Variants in CD33 observed in about 807,000 individuals in gnomAD.
CD33 encodes the protein CD33 molecule.
CD33 carries 25 observed loss-of-function variants against 31.4 expected under a neutral mutation model. The ratio of observed to expected loss-of-function variants is 0.80; its 90% CI spans 0.58 to 1.11. CD33 has a LOEUF of 1.11. Among genes scored for constraint, CD33 ranks in the 50% most tolerant of loss-of-function variants. The pLI, the probability that CD33 is intolerant of heterozygous loss-of-function variation, is 0.00. For synonymous variants in CD33, 176 were observed against 180.6 expected, an observed-to-expected ratio of 0.97 and a Z score of 0.20; for missense variants, 407 against 448.1, an observed-to-expected ratio of 0.91 and a Z score of 0.83.
chr19:51,219,805 CT>C, the CD33 span, among the ~76,000 whole-genome samples: 1 of 152,102 alleles, frequency 6.6e-6, no homozygotes, highest in African/African-American at 2.4e-5. Flanking sequence ...GCTTTTAATT[CT>C]GTCAATGTGA....
chr19:51,226,776 C>T lies in CD33; in HGVS notation c.745+420C>T, dbSNP rs887898354. On this transcript the variant is annotated intron_variant, in intron 4 of 6. Transcript: ENST00000262262. ...TTTGAAGCTATCTATTATTGTTAAG[C>T]ATAGTCATCCTACAGTGGTATAGAA... Among the ~76,000 whole-genome samples the T allele has an allele frequency of 5.9e-5, 9 of 151,908 alleles. No individual in the cohort carries two copies. The East Asian group carries it at 1.2e-3, about 20-fold the overall frequency.
chr19:51,235,484 C>A, intron 5 of CD33, 111 bp from the exon 6 acceptor site: 2 of 1,470,650 alleles, frequency 1.4e-6, no homozygotes, highest in Non-Finnish European at 9.0e-7. Flanking sequence ...TGTTTGAGGG[C>A]TCCTGGATTA....
the CD33 span, among the ~76,000 whole-genome samples, chr19:51,213,426 C>CTGTGG: frequency 6.6e-6 from 1 of 151,982 alleles, no homozygotes; most frequent in South Asian, 2.1e-4. Context: ...ACAGTGTCAG[C>CTGTGG]ACCAATGTAT....
At chr19:51,220,493 G>A (rs1980635617), upstream of CD33, among the ~76,000 whole-genome samples, 1 of 152,028 alleles carries the variant, frequency 6.6e-6, no homozygotes, top group East Asian at 1.9e-4. Flanking sequence ...TCTGTCTCTG[G>A]GGCCACATGG....
At chr19:51,221,802 G>A (rs1599863118), upstream of CD33, among the ~76,000 whole-genome samples, 1 of 152,172 alleles carries the variant, frequency 6.6e-6, no homozygotes, top group Non-Finnish European at 1.5e-5. Context: ...CATAAAAACA[G>A]TGAGTTACGA....
intron 4 of CD33, 44 bp downstream of exon 4, chr19:51,226,400 T>A: frequency 1.3e-6 from 2 of 1,569,790 alleles, no homozygotes; most frequent in South Asian, 2.2e-5. Context: ...TGACATTGAG[T>A]CTGTGTCAGG....
intron 4 of CD33, among the ~76,000 whole-genome samples, chr19:51,234,729 C>A (rs1981654427): frequency 6.6e-6 from 1 of 152,194 alleles, no homozygotes. Flanking sequence ...TGCTTCCAGG[C>A]CCTTTTTAAG....
rs375049473 is a variant in CD33 at position 51,231,139 on chromosome 19, G to A, written c.746-4018G>A. Among the ~76,000 whole-genome samples the A allele has an allele frequency of 4.1e-4, 62 of 152,320 alleles. No homozygotes were observed. The South Asian group carries it at 0.01, about 25-fold the overall frequency. On this transcript the variant is annotated intron_variant, in intron 4 of 6. Coordinates refer to ENST00000262262, the MANE Select transcript of CD33 (RefSeq NM_001772.4). ...CAAGTAGCAGAGCATATGCTAAACC[G>A]TCACAGCTATGCTTGATGCACCGCT...
intron 6 of CD33, chr19:51,236,200 G>A (rs1981795045): frequency 3.2e-6 from 1 of 309,778 alleles, no homozygotes; most frequent in Non-Finnish European, 6.3e-6. Context: ...GTTCCCGAGA[G>A]GGCACACCAC....
At chr19:51,223,112 A>G (rs1174754169), upstream of CD33, among the ~76,000 whole-genome samples, 1 of 152,066 alleles carries the variant, frequency 6.6e-6, no homozygotes, top group Non-Finnish European at 1.5e-5. Flanking sequence ...CCCAGCTACT[A>G]GAGAGGATGA....
the CD33 span, among the ~76,000 whole-genome samples, chr19:51,212,924 T>C: frequency 6.6e-6 from 1 of 152,364 alleles, no homozygotes; most frequent in East Asian, 1.9e-4. Context: ...AAATTCTGTA[T>C]AAATCTTCTG....
At chr19:51,215,622 G>A in the CD33 span, among the ~76,000 whole-genome samples, 1 of 152,200 alleles carries the variant, frequency 6.6e-6, no homozygotes, top group East Asian at 1.9e-4. Context: ...TGGCCCCCAG[G>A]ATAGCTGCAC....
At chr19:51,221,734 A>C (rs1980696361), upstream of CD33, among the ~76,000 whole-genome samples, 2 of 152,196 alleles carry the variant, frequency 1.3e-5, no homozygotes, top group African/African-American at 4.8e-5. Context: ...ATAGTCACCC[A>C]AACCTGAAAA....
At chr19:51,224,798 A>G (rs1351142515), upstream of CD33, among the ~76,000 whole-genome samples, 1 of 152,154 alleles carries the variant, frequency 6.6e-6, no homozygotes, top group Non-Finnish European at 1.5e-5. Context: ...TCAGAGTGGA[A>G]GGACTTTAGA....
intron 6 of CD33, chr19:51,238,107 A>T (rs1285468569): frequency 6.6e-6 from 1 of 152,250 alleles, no homozygotes; most frequent in Non-Finnish European, 1.5e-5. Context: ...ATGTCCAAGA[A>T]GACCCCATAG....
At chr19:51,235,458 C>A in intron 5 of CD33, 137 bp from the exon 6 acceptor site, 4 of 1,433,162 alleles carry the variant, frequency 2.8e-6, no homozygotes, top group East Asian at 2.5e-5. Flanking sequence ...TAGAGGGAGA[C>A]CTTGTGACTA....
chr19:51,218,226 G>C, the CD33 span, among the ~76,000 whole-genome samples: 1 of 152,124 alleles, frequency 6.6e-6, no homozygotes, highest in Non-Finnish European at 1.5e-5. Context: ...CATTCTATCT[G>C]GTGGAAGATG....
chr19:51,229,690 T>C (rs188210844), intron 4 of CD33, among the ~76,000 whole-genome samples: 250 of 152,262 alleles, frequency 1.6e-3, no homozygotes, highest in African/African-American at 5.8e-3. Context: ...ATATTGTTCA[T>C]AGTAGTGTCT....
chr19:51,227,602 G>T (rs965440502), intron 4 of CD33, among the ~76,000 whole-genome samples: 13 of 152,122 alleles, frequency 8.5e-5, no homozygotes, highest in African/African-American at 3.1e-4. Context: ...TGAGTTCCTC[G>T]TATGTTCTGG....
Sources: allele counts gnomAD v4.1 joint callset (sites outside exome capture counted in the v4.1 genomes callset), GRCh38; gene constraint gnomAD v4.1.1; transcripts MANE v1.5; gene names NCBI Gene and HGNC (gene_info 2026-07-23, HGNC 2026-07-21).